B4GALT5: variants seen among roughly 807,000 people sequenced by gnomAD.
B4GALT5 encodes the protein UDP-Gal:beta-GlcNAc beta-1,4-galactosyltransferase 5.
B4GALT5 carries 11 observed loss-of-function variants against 45.0 expected under a neutral mutation model. That is an observed-to-expected ratio of 0.24 (90% CI 0.15 to 0.40). The LOEUF (loss-of-function observed/expected upper bound fraction) is 0.40. Among genes scored for constraint, B4GALT5 ranks in the 10% least tolerant of loss-of-function variants. The probability of loss-of-function intolerance (pLI) is 1.00; values close to 1 mark genes in which losing one functional copy is unlikely to be tolerated. For synonymous variants in B4GALT5, 185 were observed against 182.9 expected (o/e 1.01, Z -0.09); for missense variants, 337 against 500.2 (o/e 0.67, Z 3.11).
At chr20:49,643,922 C>CTTTTTTTTTTTTTTTTTTTT (rs138727530) in intron 3 of B4GALT5, among the ~76,000 whole-genome samples, 1 of 52,154 alleles carries the variant, frequency 1.9e-5, no homozygotes, top group Non-Finnish European at 3.3e-5. Flanking sequence ...AGTAGCTGAG[C>CTTTTTTTTTTTTTTTTTTTT]TTTTTTTTTT....
At chr20:49,666,942 T>C (rs2085693219) in intron 1 of B4GALT5, among the ~76,000 whole-genome samples, 1 of 152,222 alleles carries the variant, frequency 6.6e-6, no homozygotes, top group Non-Finnish European at 1.5e-5. Flanking sequence ...AATGCATTTA[T>C]TGAGTCCTTA....
intron 1 of B4GALT5, 62 bp from the exon 2 acceptor site, chr20:49,656,764 C>T (rs2085645124): frequency 6.3e-7 from 1 of 1,598,188 alleles, no homozygotes; most frequent in African/African-American, 1.4e-5. Context: ...AAAAAACATA[C>T]CACATAGCTA....
At chr20:49,672,903 C>T (rs987687601) in intron 1 of B4GALT5, among the ~76,000 whole-genome samples, 3 of 152,186 alleles carry the variant, frequency 2.0e-5, no homozygotes, top group Admixed American at 1.3e-4. Flanking sequence ...TCCCACAGAT[C>T]ACATAACTGC....
chr20:49,684,359 G>A (rs905161639), intron 1 of B4GALT5, among the ~76,000 whole-genome samples: 9 of 152,072 alleles, frequency 5.9e-5, no homozygotes, highest in Non-Finnish European at 1.2e-4. Context: ...TCAGGAGATC[G>A]AGACCATCCT....
intron 7 of B4GALT5, among the ~76,000 whole-genome samples, 186 bp from the exon 8 acceptor site, chr20:49,637,628 GT>G (rs2085559646): frequency 6.6e-6 from 1 of 152,074 alleles, no homozygotes; most frequent in South Asian, 2.1e-4. Context: ...CTGAATTAAA[GT>G]TTTTATGTGA....
At chr20:49,698,339 A>G (rs897015148) in intron 1 of B4GALT5, among the ~76,000 whole-genome samples, 3 of 152,138 alleles carry the variant, frequency 2.0e-5, no homozygotes, top group African/African-American at 7.2e-5. Flanking sequence ...ATAAAAAAAG[A>G]AAAAAGAAAA....
rs748722490 is a variant in B4GALT5, at chr20:49,637,414, G to T, written c.946C>A (p.Arg316=). 4 of 1,614,030 alleles carry T rather than the reference G, an allele frequency of 2.5e-6. No individual in the cohort carries two copies. ...TACTTTCCTGTGTCACCCTCTGGCCGGCTCACAGAATAGCCTGCATTCTGT... is the reference window on the plus strand; with the variant it reads ...TACTTTCCTGTGTCACCCTCTGGCCTGCTCACAGAATAGCCTGCATTCTGT... The part of the protein sequence containing the change: ...RVQNAGYSVS[R]PEGDTGKYKS... The change falls in exon 8 of 9, where the codon CGG becomes AGG. Residue 316 remains arginine, a synonymous_variant. Transcript: ENST00000371711.
At chr20:49,639,467 G>A (rs2085566993) in intron 7 of B4GALT5, among the ~76,000 whole-genome samples, 1 of 152,082 alleles carries the variant, frequency 6.6e-6, no homozygotes, top group Non-Finnish European at 1.5e-5. Context: ...GGGCTCAAGT[G>A]ATCCTCCCAC....
intron 1 of B4GALT5, chr20:49,684,719 T>C: frequency 2.0e-6 from 1 of 497,986 alleles, no homozygotes; most frequent in Non-Finnish European, 4.0e-6. Context: ...GCCACGTCCT[T>C]GTTCAAATAA....
chr20:49,709,052 T>C (rs571484728), intron 1 of B4GALT5, among the ~76,000 whole-genome samples: 52 of 152,326 alleles, frequency 3.4e-4, no homozygotes, highest in Admixed American at 8.5e-4. Flanking sequence ...CTACACAACC[T>C]TGCCATATGA....
intron 1 of B4GALT5, among the ~76,000 whole-genome samples, chr20:49,666,552 A>G (rs1207743389): frequency 1.3e-5 from 2 of 152,220 alleles, no homozygotes; most frequent in Non-Finnish European, 2.9e-5. Context: ...TGGCATAAAG[A>G]ACAGGGAAAA....
At chr20:49,669,226 T>G (rs569466473) in intron 1 of B4GALT5, among the ~76,000 whole-genome samples, 1 of 152,120 alleles carries the variant, frequency 6.6e-6, no homozygotes. Context: ...AGATTAGAAC[T>G]GCCTACACCT....
At chr20:49,682,053 A>T (rs1294971500) in intron 1 of B4GALT5, among the ~76,000 whole-genome samples, 1 of 152,204 alleles carries the variant, frequency 6.6e-6, no homozygotes, top group Non-Finnish European at 1.5e-5. Flanking sequence ...CTTCCATTGC[A>T]TCACTGCACT....
chr20:49,636,429 C>A lies in B4GALT5; in HGVS notation c.1050G>T (p.Arg350=). 6.2e-7 allele frequency: 1 copy of A among 1,614,164 alleles called. No individual in the cohort carries two copies. Among genetic ancestry groups the A allele is most frequent in the South Asian group, 1.1e-5 (1 of 91,080 alleles). ...RYALLRKSKE[R]QGLDGLNNLN... is the part of the protein sequence containing the mutation. ...GGTTGTTGAGGCCATCCAGCCCTTGCCGTTCTTTTGACTTCCTCAGCAGAG... is the reference window on the plus strand; with the variant it reads ...GGTTGTTGAGGCCATCCAGCCCTTGACGTTCTTTTGACTTCCTCAGCAGAG... Residue 350 remains arginine, a synonymous_variant, in exon 9 of 9, where the codon CGG becomes CGT. Transcript: ENST00000371711.
At chr20:49,663,943 T>C (rs2085677954) in intron 1 of B4GALT5, among the ~76,000 whole-genome samples, 1 of 151,998 alleles carries the variant, frequency 6.6e-6, no homozygotes, top group Non-Finnish European at 1.5e-5. Flanking sequence ...TGGAAATCAA[T>C]GGATGCTAAA....
At chr20:49,683,100 G>A (rs555983140) in intron 1 of B4GALT5, among the ~76,000 whole-genome samples, 12 of 111,472 alleles carry the variant, frequency 1.1e-4, no homozygotes, top group African/African-American at 3.5e-4. Flanking sequence ...TGTTTCTGGG[G>A]AGGAAAAAAA....
At chr20:49,676,761 C>T (rs2085739199) in intron 1 of B4GALT5, among the ~76,000 whole-genome samples, 1 of 152,246 alleles carries the variant, frequency 6.6e-6, no homozygotes, top group African/African-American at 2.4e-5. Context: ...CCCATAGGGG[C>T]ATGAGGGCGG....
At chr20:49,670,586 A>G (rs1358210863) in intron 1 of B4GALT5, among the ~76,000 whole-genome samples, 1 of 152,240 alleles carries the variant, frequency 6.6e-6, no homozygotes, top group Non-Finnish European at 1.5e-5. Flanking sequence ...ATGCAATTCT[A>G]TAGCAAAAAG....
intron 1 of B4GALT5, among the ~76,000 whole-genome samples, chr20:49,668,238 C>T (rs1273306309): frequency 6.6e-6 from 1 of 151,972 alleles, no homozygotes; most frequent in Non-Finnish European, 1.5e-5. Context: ...TAAAAAAATC[C>T]AAGTGGTAAA....
Sources: gnomAD v4.1 joint callset for allele counts (sites outside exome capture counted in the v4.1 genomes callset) on GRCh38, gnomAD v4.1.1 for gene constraint, MANE v1.5 for transcripts, NCBI Gene and HGNC (gene_info 2026-07-23, HGNC 2026-07-21) for gene names.